The following AGBL1 variants were observed in gnomAD, a reference collection of about 807,000 sequenced individuals.
AGBL1 encodes the protein AGBL carboxypeptidase 1, also known as cytosolic carboxypeptidase 4.
Under a neutral mutation model 118.9 loss-of-function variants are expected in AGBL1, and 130 were observed. That is an observed-to-expected ratio of 1.09 (90% CI 0.95 to 1.26). AGBL1 has a LOEUF of 1.26. AGBL1 is among the 50% of genes most tolerant of loss of function. The pLI, the probability that AGBL1 is intolerant of heterozygous loss-of-function variation, is 0.00. For missense variants in AGBL1, 1,584 were observed against 1,298.1 expected (o/e 1.22, Z -3.38); for synonymous variants, 555 against 478.9 (o/e 1.16, Z -2.08).
At chr15:86,240,153 A>G (rs2078619178) in intron 6 of AGBL1, among the ~76,000 whole-genome samples, 1 of 152,228 alleles carries the variant, frequency 6.6e-6, no homozygotes, top group African/African-American at 2.4e-5. Flanking sequence ...CTTCATTTGT[A>G]AAAGAGGGAA....
intron 22 of AGBL1, among the ~76,000 whole-genome samples, chr15:86,712,062 A>G (rs576313488): frequency 6.6e-6 from 1 of 152,124 alleles, no homozygotes; most frequent in Non-Finnish European, 1.5e-5. Flanking sequence ...TCTGAGCTCA[A>G]ATTCACCCCT....
exon 24 of AGBL1, chr15:86,988,021 T>G: frequency 6.2e-7 from 1 of 1,613,754 alleles, no homozygotes; most frequent in Non-Finnish European, 8.5e-7. Context: ...AAAGCATATT[T>G]GGTTTGCTTA....
intron 1 of AGBL1, among the ~76,000 whole-genome samples, 199 bp from the exon 2 acceptor site, chr15:86,141,805 G>A (rs1470338930): frequency 6.6e-6 from 1 of 152,196 alleles, no homozygotes; most frequent in African/African-American, 2.4e-5. Context: ...CGTCTGCAAA[G>A]ATGAGTTCTG....
chr15:86,434,730 G>A (rs1273057480), intron 18 of AGBL1, among the ~76,000 whole-genome samples: 11 of 152,226 alleles, frequency 7.2e-5, no homozygotes. Flanking sequence ...GAGGATGTCA[G>A]AGTTGATAAG....
chr15:86,217,921 C>A (rs979546676), intron 5 of AGBL1, among the ~76,000 whole-genome samples: 1 of 152,116 alleles, frequency 6.6e-6, no homozygotes, highest in Non-Finnish European at 1.5e-5. Flanking sequence ...TTGAGAAGAC[C>A]ACTCTAGTTG....
intron 22 of AGBL1, among the ~76,000 whole-genome samples, chr15:86,716,420 T>A (rs1486014700): frequency 6.6e-6 from 1 of 152,200 alleles, no homozygotes; most frequent in Non-Finnish European, 1.5e-5. Context: ...GTAGGGTACA[T>A]GTCACTTCCA....
At chr15:86,649,236 C>A in intron 21 of AGBL1, among the ~76,000 whole-genome samples, 1 of 152,052 alleles carries the variant, frequency 6.6e-6, no homozygotes, top group East Asian at 1.9e-4. Context: ...GAAATAGATT[C>A]TGGAAGGGGT....
chr15:86,397,961 G>C (rs564662086), intron 18 of AGBL1, among the ~76,000 whole-genome samples: 5 of 152,162 alleles, frequency 3.3e-5, no homozygotes, highest in Non-Finnish European at 5.9e-5. Context: ...CAAATCACAT[G>C]GTGGGTTAAT....
chr15:86,411,171 A>G (rs1336932874), intron 18 of AGBL1, among the ~76,000 whole-genome samples: 1 of 151,494 alleles, frequency 6.6e-6, no homozygotes. Flanking sequence ...AAGCCAGCCT[A>G]TCATCAGCCT....
chr15:86,858,123 G>T (rs1269314106), intron 22 of AGBL1, among the ~76,000 whole-genome samples: 1 of 152,162 alleles, frequency 6.6e-6, no homozygotes, highest in East Asian at 1.9e-4. Context: ...CCATGCTGGG[G>T]ATACAATATC....
At chr15:86,662,657 C>T (rs2085565089) in intron 21 of AGBL1, among the ~76,000 whole-genome samples, 2 of 152,166 alleles carry the variant, frequency 1.3e-5, no homozygotes, top group South Asian at 4.1e-4. Flanking sequence ...ATCAGCTGAA[C>T]TAAAAACAGA....
rs1176261555 is a variant in AGBL1, at chr15:86,532,307, A to G, written c.2685+9368A>G. On this transcript the variant is annotated intron_variant, in intron 19 of 22. Coordinates refer to ENST00000614907, the MANE Select transcript of AGBL1 (RefSeq NM_001386094.1). ...GTGCAAAAATCACAAGCATTGTCATACACCAACAACAGACAAACAGAGAGC... is the reference window on the plus strand; with the variant it reads ...GTGCAAAAATCACAAGCATTGTCATGCACCAACAACAGACAAACAGAGAGC... Among the ~76,000 whole-genome samples, 3 of 152,120 alleles carry G rather than the reference A, an allele frequency of 2.0e-5. No homozygotes were observed. The East Asian group carries it at 5.8e-4, about 29-fold the overall frequency.
downstream of AGBL1, among the ~76,000 whole-genome samples, chr15:86,920,181 C>G (rs2080470129): frequency 6.6e-6 from 1 of 152,148 alleles, no homozygotes; most frequent in East Asian, 1.9e-4. Context: ...CTTCCAAGCT[C>G]AAACTGTTGT....
chr15:86,762,073 A>G (rs138985277), intron 22 of AGBL1, among the ~76,000 whole-genome samples: 63 of 152,214 alleles, frequency 4.1e-4, no homozygotes, highest in African/African-American at 1.3e-3. Flanking sequence ...TTGCAGGGAC[A>G]TGGATGAAGC....
chr15:86,113,354 C>T (rs1266848152), intron 1 of AGBL1, among the ~76,000 whole-genome samples: 3 of 140,874 alleles, frequency 2.1e-5, no homozygotes, highest in Non-Finnish European at 4.5e-5. Context: ...GTGGCACGAT[C>T]TTGGCTCACT....
At position 86,269,592 on chromosome 15, in the gene AGBL1, T is replaced by G. The variant is rs150047950; in HGVS notation, c.1839-327T>G. Among the ~76,000 whole-genome samples the G allele has an allele frequency of 3.0e-3, 463 of 152,346 alleles. 6 individuals are homozygous for G. The highest frequency in any genetic ancestry group is 0.01 in the African/African-American group (433 of 41,584). Reference sequence around the variant, plus strand: ...ATTTCAATTACCCTGATTTGATCATTACACATTGTATTATTGTATCAAAAT... The same window carrying G: ...ATTTCAATTACCCTGATTTGATCATGACACATTGTATTATTGTATCAAAAT... On this transcript the variant is annotated intron_variant, in intron 13 of 22. Coordinates refer to ENST00000614907, the MANE Select transcript of AGBL1 (RefSeq NM_001386094.1).
At chr15:87,013,241 C>A (rs955523775) in intron 24 of AGBL1, among the ~76,000 whole-genome samples, 1 of 152,096 alleles carries the variant, frequency 6.6e-6, no homozygotes, top group South Asian at 2.1e-4. Flanking sequence ...TTTAAATATG[C>A]CTGCTCTGTT....
At chr15:86,492,596 GAAAAAAAAAA>G (rs998900235) in intron 18 of AGBL1, among the ~76,000 whole-genome samples, 9 of 70,984 alleles carry the variant, frequency 1.3e-4, no homozygotes, top group African/African-American at 3.9e-4. Flanking sequence ...TCAAAAAAAA[GAAAAAAAAAA>G]AAAGAAAAAA....
At chr15:86,900,834 G>A (rs1238044613) in intron 22 of AGBL1, among the ~76,000 whole-genome samples, 5 of 152,094 alleles carry the variant, frequency 3.3e-5, no homozygotes, top group African/African-American at 9.7e-5. Context: ...TGGAAAGACT[G>A]TGCTACCCTT....
Sources: gnomAD v4.1 joint callset for allele counts (sites outside exome capture counted in the v4.1 genomes callset) on GRCh38, gnomAD v4.1.1 for gene constraint, MANE v1.5 for transcripts, NCBI Gene and HGNC (gene_info 2026-07-23, HGNC 2026-07-21) for gene names.